The following HSPG2 variants were observed in gnomAD, a reference collection of about 807,000 sequenced individuals.
HSPG2 encodes heparan sulfate proteoglycan 2, also known as basement membrane-specific heparan sulfate proteoglycan core protein.
Under a neutral mutation model 526.6 loss-of-function variants are expected in HSPG2, and 278 were observed. The ratio of observed to expected loss-of-function variants is 0.53; its 90% CI spans 0.48 to 0.58. The LOEUF (loss-of-function observed/expected upper bound fraction) is 0.58. Among genes scored for constraint, HSPG2 ranks in the 20% least tolerant of loss-of-function variants. The pLI is 0.00. For missense variants in HSPG2, 5,354 were observed against 6,099.5 expected (o/e 0.88, Z 4.07); for synonymous variants, 2,465 against 2,555.4 (o/e 0.96, Z 1.07).
intron 33 of HSPG2, among the ~76,000 whole-genome samples, chr1:21,869,993 C>T (rs576819769): frequency 6.6e-6 from 1 of 152,340 alleles, no homozygotes; most frequent in African/African-American, 2.4e-5. Flanking sequence ...GCCTGACTCT[C>T]TTTGTGTGCC....
Position 21,847,875 on chromosome 1 carries a change from G to T in HSPG2, c.7874-35C>A, listed in dbSNP as rs79500809. 363 of 1,613,868 alleles carry T rather than the reference G, an allele frequency of 2.2e-4. 1 individual carries two copies. The African/African-American group carries it at 4.3e-3, about 19-fold the overall frequency. ...GACGGGTGTGGACCACGCAGCCAGAGTGAGATAACAGTGATGGCACCGGGG... is the reference window on the plus strand; with the variant it reads ...GACGGGTGTGGACCACGCAGCCAGATTGAGATAACAGTGATGGCACCGGGG... On this transcript the variant is annotated intron_variant, in intron 60 of 96. Transcript: ENST00000374695. The surrounding 1 kb of genome is among the most constrained non-coding windows in gnomAD (Gnocchi z 4.1).
rs148509800 is a variant in HSPG2, at chr1:21,829,528, G to A, written c.11847C>T (p.His3949=). The change falls in exon 87 of 97, where the codon CAC becomes CAT. Residue 3949 remains histidine, a synonymous_variant. Transcript: ENST00000374695. ...TGAACTCCACGTCCAGGCGTAGCTCGTGGTGTGTGTTGGTGAGGGCGGGCA... is the reference window on the plus strand; with the variant it reads ...TGAACTCCACGTCCAGGCGTAGCTCATGGTGTGTGTTGGTGAGGGCGGGCA... ...LALPALTNTH[H]ELRLDVEFKP... 5.3e-5 allele frequency: 86 copies of A among 1,613,102 alleles called. No individual in the cohort carries two copies. Among genetic ancestry groups the A allele is most frequent in the South Asian group, 3.0e-4 (27 of 91,076 alleles).
chr1:21,860,952 G>A (rs1004770311), intron 39 of HSPG2, among the ~76,000 whole-genome samples: 3 of 152,244 alleles, frequency 2.0e-5, no homozygotes, highest in African/African-American at 2.4e-5. Context: ...AGGGCTGTGC[G>A]GGTGCAGAGG....
rs1352443020 is a variant in HSPG2 at position 21,857,009 on chromosome 1, G to T, written c.5575+6C>A. 1 of 1,613,810 alleles carries T rather than the reference G, an allele frequency of 6.2e-7. No individual in the cohort carries two copies. Among genetic ancestry groups the T allele is most frequent in the Non-Finnish European group, 8.5e-7 (1 of 1,179,822 alleles). On this transcript the variant is annotated splice_donor_region_variant and intron_variant, in intron 44 of 96. Coordinates refer to ENST00000374695, the MANE Select transcript of HSPG2 (RefSeq NM_005529.7). ...GGGGAGAATCAGGTATAGATGGGAGGTGTACCCTGCACATGTAGAGTGGCT... is the reference window on the plus strand; with the variant it reads ...GGGGAGAATCAGGTATAGATGGGAGTTGTACCCTGCACATGTAGAGTGGCT...
At chr1:21,875,076 A>C (rs1262920502) in intron 25 of HSPG2, 74 bp from the exon 26 acceptor site, 9 of 1,099,522 alleles carry the variant, frequency 8.2e-6, no homozygotes, top group Non-Finnish European at 1.2e-5. Flanking sequence ...CTCCACTGGC[A>C]GGGTCTTATT....
chr1:21,824,937 G>A lies in HSPG2; in HGVS notation c.12590-158C>T. 1.4e-6 allele frequency: 1 copy of A among 710,278 alleles called. No homozygotes were observed. The allele number at this position is 710,278 out of a possible 1,614,324, so 44.0% of individuals were successfully genotyped here. Reference sequence around the variant, plus strand: ...ACGGGGGCTGCCAACAGAATTCAGGGAGCCTATGACCTTGGATGGGAAAGC... The same window carrying A: ...ACGGGGGCTGCCAACAGAATTCAGGAAGCCTATGACCTTGGATGGGAAAGC... On this transcript the variant is annotated intron_variant, in intron 91 of 96. Transcript: ENST00000374695. This position sits in a 1 kb window ranked among gnomAD's most constrained non-coding sequence, Gnocchi z 5.9.
chr1:21,824,519 C>T lies in HSPG2; in HGVS notation c.12744+18G>A, dbSNP rs1203699662. 6.2e-7 allele frequency: 1 copy of T among 1,612,658 alleles called. No individual in the cohort carries two copies. Among genetic ancestry groups the T allele is most frequent in the East Asian group, 2.2e-5 (1 of 44,874 alleles). ...TGCCCCAGGAGCCCCAAGAGCCCAG[C>T]CGGATACCCACACTCACCACACCCT... On this transcript the variant is annotated intron_variant, in intron 93 of 96. Transcript: ENST00000374695. This position sits in a 1 kb window ranked among gnomAD's most constrained non-coding sequence, Gnocchi z 5.9.
rs536665890 is a variant in HSPG2, at chr1:21,901,490, G to T, written c.64-5180C>A. Among the ~76,000 whole-genome samples, 4 of 152,134 alleles carry T rather than the reference G, an allele frequency of 2.6e-5. No homozygotes were observed. The South Asian group carries it at 8.3e-4, about 31-fold the overall frequency. On this transcript the variant is annotated intron_variant, in intron 1 of 96. Transcript: ENST00000374695. ...TGGGCAGGACCCTAGCAAGGGGTGG[G>T]CAATAGAATTGGGTCCTATGGCTCA...
chr1:21,919,686 A>T (rs991405824), intron 1 of HSPG2, among the ~76,000 whole-genome samples: 1 of 152,106 alleles, frequency 6.6e-6, no homozygotes, highest in African/African-American at 2.4e-5. Context: ...TCACTTGGAG[A>T]TCTTGTCGGC....
chr1:21,847,627 C>G lies in HSPG2; in HGVS notation c.8025+62G>C. The stretch of plus-strand genomic sequence containing the variant: ...AGGGCCCAATCCGTGAGACAGGGAG[C>G]CTGCTCTGCTCACCCCAGGAGACCA... On this transcript the variant is annotated intron_variant, in intron 61 of 96. Coordinates refer to ENST00000374695, the MANE Select transcript of HSPG2 (RefSeq NM_005529.7). The surrounding 1 kb of genome is among the most constrained non-coding windows in gnomAD (Gnocchi z 4.1). The G allele has an allele frequency of 1.2e-6, 2 of 1,604,028 alleles. No homozygotes were observed. The highest frequency in any genetic ancestry group is 1.7e-6 in the Non-Finnish European group (2 of 1,174,834).
intron 91 of HSPG2, 38 bp downstream of exon 91, chr1:21,827,825 G>C (rs1221878754): frequency 1.3e-5 from 20 of 1,557,842 alleles, no homozygotes; most frequent in Non-Finnish European, 1.7e-5. Flanking sequence ...AGAGTGAGCT[G>C]AGCTGAAGCT....
chr1:21,897,131 C>T (rs1051737059), intron 1 of HSPG2, among the ~76,000 whole-genome samples: 1 of 152,166 alleles, frequency 6.6e-6, no homozygotes, highest in Admixed American at 6.5e-5. Flanking sequence ...TGCCTCTTCC[C>T]CCTAGACAAG....
rs1003517403 is a variant in HSPG2, at chr1:21,884,191, G to A, written c.1654+337C>T. On this transcript the variant is annotated intron_variant, in intron 13 of 96. Coordinates refer to ENST00000374695, the MANE Select transcript of HSPG2 (RefSeq NM_005529.7). ...AGGTAGTTATTATTCCACACCCCCC[G>A]ACTTTACAGATGACGAAACAGACAC... 8.5e-5 allele frequency among the ~76,000 whole-genome samples: 13 copies of A among 152,064 alleles called. No homozygotes were observed. The South Asian group carries it at 1.0e-3, about 12-fold the overall frequency.
chr1:21,895,845 C>CCT lies in HSPG2; in HGVS notation c.244+75_244+76dup. ...GTACCCCAGGGCAGGCCCAAGGAGC[C>CCT]CTCAGCCCAGGAGACTGGCTCTGGG... On this transcript the variant is annotated intron_variant, in intron 3 of 96. Coordinates refer to ENST00000374695, the MANE Select transcript of HSPG2 (RefSeq NM_005529.7). This position sits in a 1 kb window ranked among gnomAD's most constrained non-coding sequence, Gnocchi z 4.1. The CCT allele has an allele frequency of 7.2e-7, 1 of 1,384,924 alleles. No homozygotes were observed. The highest frequency in any genetic ancestry group is 1.0e-6 in the Non-Finnish European group (1 of 972,942). 85.8% of individuals were successfully genotyped at this position (1,384,924 alleles called of 1,614,324 possible).
chr1:21,861,713 C>T (rs1487484279), intron 39 of HSPG2, 44 bp downstream of exon 39: 1 of 1,545,982 alleles, frequency 6.5e-7, no homozygotes, highest in African/African-American at 1.4e-5. Flanking sequence ...TGGGAGTCCA[C>T]CATTTGTCCT....
At chr1:21,867,982 A>C (rs1640370080) in intron 33 of HSPG2, among the ~76,000 whole-genome samples, 1 of 150,756 alleles carries the variant, frequency 6.6e-6, no homozygotes. Flanking sequence ...TGCCTGCCCC[A>C]GTCTCCCAAA....
chr1:21,933,791 C>A (rs913596767), intron 1 of HSPG2, among the ~76,000 whole-genome samples: 1 of 152,250 alleles, frequency 6.6e-6, no homozygotes, highest in South Asian at 2.1e-4. Context: ...CACTCAAAAC[C>A]CCATCCTGTG....
chr1:21,873,930 A>T lies in HSPG2; in HGVS notation c.3738T>A (p.Cys1246Ter). The T allele has an allele frequency of 6.3e-7, 1 of 1,587,876 alleles. No homozygotes were observed. Among genetic ancestry groups the T allele is most frequent in the Non-Finnish European group, 8.6e-7 (1 of 1,166,370 alleles). The change falls in exon 29 of 97, where the codon TGT becomes TGA. Residue 1246 changes from cysteine to a stop codon, truncating the protein, a stop_gained. Transcript: ENST00000374695. LOFTEE classifies it high-confidence loss of function. ...CTCTCCACCCCCTGCCTCACCTCTC[A>T]CAGTGACGCCCACTGTGGCCTGGGG... ...ACSPGHSGRHCERCAPGYYGN... is the reference protein window; with the variant it reads ...ACSPGHSGRH
At chr1:21,879,806 C>T (rs773496763) in intron 17 of HSPG2, among the ~76,000 whole-genome samples, 3 of 152,206 alleles carry the variant, frequency 2.0e-5, no homozygotes, top group Non-Finnish European at 4.4e-5. Flanking sequence ...GCGTACGCCA[C>T]CACGCCTGGC....
Sources: allele counts gnomAD v4.1 joint callset (sites outside exome capture counted in the v4.1 genomes callset), GRCh38; gene constraint gnomAD v4.1.1; non-coding constraint Gnocchi (gnomAD v3.1); transcripts MANE v1.5; gene names NCBI Gene and HGNC (gene_info 2026-07-23, HGNC 2026-07-21).